Variants in RBFOX1 observed in about 807,000 individuals in gnomAD.
RBFOX1 encodes the protein RNA binding protein fox-1 homolog 1.
A neutral mutation model predicts 57.7 loss-of-function variants in RBFOX1; 8 were observed. That is an observed-to-expected ratio of 0.14 (90% CI 0.08 to 0.25). The LOEUF is 0.25. Ranked by LOEUF, RBFOX1 falls within the 10% of genes least tolerant of loss-of-function variation. The pLI, the probability that RBFOX1 is intolerant of heterozygous loss-of-function variation, is 1.00. For missense variants in RBFOX1, 611 were observed against 548.5 expected (o/e 1.11, Z -1.14); for synonymous variants, 326 against 222.4 (o/e 1.47, Z -4.15).
chr16:5,853,986 A>G (rs1363285677), intron 3 of RBFOX1, among the ~76,000 whole-genome samples: 1 of 152,202 alleles, frequency 6.6e-6, no homozygotes, highest in East Asian at 1.9e-4. Context: ...TCCCTTATTG[A>G]CTATATTTGA....
At chr16:7,021,792 A>G (rs1166291668) in intron 3 of RBFOX1, among the ~76,000 whole-genome samples, 4 of 151,108 alleles carry the variant, frequency 2.6e-5, no homozygotes, top group Non-Finnish European at 5.9e-5. Flanking sequence ...TATACCAGGC[A>G]TGCTTGAAAA....
intron 1 of RBFOX1, among the ~76,000 whole-genome samples, chr16:6,164,438 C>G (rs1205638839): frequency 6.6e-6 from 1 of 151,246 alleles, no homozygotes; most frequent in Non-Finnish European, 1.5e-5. Flanking sequence ...GTGATGTTTT[C>G]CACAGAGTTC....
chr16:6,968,263 A>G lies in RBFOX1; in HGVS notation c.-15-83794A>G, dbSNP rs534397445. Among the ~76,000 whole-genome samples, 3 of 152,334 alleles carry G rather than the reference A, an allele frequency of 2.0e-5. No homozygotes were observed. In the East Asian group the frequency reaches 5.8e-4, roughly 29 times the overall value. On this transcript the variant is annotated intron_variant, in intron 3 of 15. Transcript: ENST00000550418. ...TTAACTCAGCAAAGACCCCCAGGCAAGCTGTCACTTGGAGAGAGGATATTT... is the reference window on the plus strand; with the variant it reads ...TTAACTCAGCAAAGACCCCCAGGCAGGCTGTCACTTGGAGAGAGGATATTT...
At chr16:5,687,966 G>A (rs763689250) in intron 3 of RBFOX1, among the ~76,000 whole-genome samples, 12 of 152,172 alleles carry the variant, frequency 7.9e-5, no homozygotes, top group Non-Finnish European at 1.0e-4. Context: ...ACTCACAGTT[G>A]TGTAATTTTT....
At chr16:7,447,078 C>T (rs1351601508) in intron 4 of RBFOX1, among the ~76,000 whole-genome samples, 1 of 151,978 alleles carries the variant, frequency 6.6e-6, no homozygotes, top group African/African-American at 2.4e-5. Flanking sequence ...TCCCAAAGTG[C>T]TGGGATTACA....
intron 4 of RBFOX1, among the ~76,000 whole-genome samples, chr16:5,905,008 A>T (rs1458003891): frequency 3.4e-5 from 5 of 146,356 alleles, no homozygotes; most frequent in Non-Finnish European, 7.5e-5. Flanking sequence ...AGGTAATCAG[A>T]TGAAAATAAG....
At position 6,910,484 on chromosome 16, in the gene RBFOX1, C is replaced by T. The variant is rs543778706; in HGVS notation, c.-15-141573C>T. 1.2e-3 allele frequency among the ~76,000 whole-genome samples: 190 copies of T among 152,300 alleles called. 1 individual carries two copies. Among genetic ancestry groups the T allele is most frequent in the African/African-American group, 4.2e-3 (176 of 41,550 alleles). ...CTCTGTGCCTGAGTGGGTGATTCCC[C>T]ACTTGTGTTAATCACTCAAACAACC... On this transcript the variant is annotated intron_variant, in intron 3 of 15. Coordinates refer to ENST00000550418, the MANE Select transcript of RBFOX1 (RefSeq NM_018723.4).
intron 2 of RBFOX1, among the ~76,000 whole-genome samples, chr16:6,423,000 T>A (rs77688321): frequency 5.3e-5 from 8 of 152,258 alleles, no homozygotes; most frequent in Non-Finnish European, 7.3e-5. Context: ...TTTTCTTTTT[T>A]ATGGCTGCAT....
At chr16:6,102,916 G>A (rs1244922674) in intron 1 of RBFOX1, among the ~76,000 whole-genome samples, 1 of 152,104 alleles carries the variant, frequency 6.6e-6, no homozygotes, top group African/African-American at 2.4e-5. Flanking sequence ...AGAAAGTGAT[G>A]GAGTCTGGGA....
intron 4 of RBFOX1, among the ~76,000 whole-genome samples, chr16:7,334,828 T>G (rs2096756897): frequency 6.6e-6 from 1 of 152,220 alleles, no homozygotes; most frequent in African/African-American, 2.4e-5. Context: ...GCCAGTTATT[T>G]TTGGAAAGAA....
chr16:6,798,497 G>A (rs1420220641), intron 3 of RBFOX1, among the ~76,000 whole-genome samples: 1 of 152,068 alleles, frequency 6.6e-6, no homozygotes, highest in African/African-American at 2.4e-5. Context: ...GCCTAATTCT[G>A]AACCAGACCC....
chr16:7,323,789 A>T (rs982061977), intron 4 of RBFOX1, among the ~76,000 whole-genome samples: 1 of 152,250 alleles, frequency 6.6e-6, no homozygotes, highest in Non-Finnish European at 1.5e-5. Context: ...ATGATGAAGA[A>T]GATGAAGATG....
At chr16:6,815,320 G>A (rs555023837) in intron 3 of RBFOX1, among the ~76,000 whole-genome samples, 3 of 152,066 alleles carry the variant, frequency 2.0e-5, no homozygotes, top group South Asian at 4.2e-4. Context: ...TTTGTGCCCC[G>A]TATTGTGTGC....
At position 7,424,959 on chromosome 16, in the gene RBFOX1, C is replaced by A. The variant is rs555340531; in HGVS notation, c.28-93188C>A. The stretch of plus-strand genomic sequence containing the variant: ...GATAAGATACTTGGGAGTTTGAGCA[C>A]CAAGAAGAATGTTATCTTAGAGATG... On this transcript the variant is annotated intron_variant, in intron 4 of 15. Coordinates refer to ENST00000550418, the MANE Select transcript of RBFOX1 (RefSeq NM_018723.4). 1.2e-3 allele frequency among the ~76,000 whole-genome samples: 181 copies of A among 151,946 alleles called. 1 individual carries two copies. The highest frequency in any genetic ancestry group is 3.4e-3 in the Middle Eastern group (1 of 294).
intron 2 of RBFOX1, among the ~76,000 whole-genome samples, chr16:6,487,703 ATATATATAT>A (rs2095533063): frequency 4.0e-3 from 19 of 4,760 alleles, no homozygotes; most frequent in African/African-American, 4.0e-3. Flanking sequence ...AAAAAAAAAT[ATATATATAT>A]ATATATATAT....
At chr16:7,021,880 TC>T (rs1294086315) in intron 3 of RBFOX1, among the ~76,000 whole-genome samples, 5 of 122,050 alleles carry the variant, frequency 4.1e-5, no homozygotes, top group African/African-American at 1.9e-4. Context: ...CTTCTTTCTC[TC>T]TCTTTCTTTC....
chr16:5,885,087 A>G (rs911578936), intron 4 of RBFOX1, among the ~76,000 whole-genome samples: 2 of 152,156 alleles, frequency 1.3e-5, no homozygotes, highest in African/African-American at 4.8e-5. Flanking sequence ...GTAGATGAGC[A>G]TTCTCCAAAT....
At chr16:6,495,837 G>A (rs42384) in intron 2 of RBFOX1, among the ~76,000 whole-genome samples, 1 of 152,032 alleles carries the variant, frequency 6.6e-6, no homozygotes, top group Non-Finnish European at 1.5e-5. Context: ...TTGAAGACGT[G>A]GAATTGTTGG....
intron 1 of RBFOX1, among the ~76,000 whole-genome samples, chr16:6,160,678 C>T (rs1185749740): frequency 1.3e-5 from 2 of 152,298 alleles, no homozygotes; most frequent in East Asian, 3.9e-4. Flanking sequence ...GGTCCTCATC[C>T]TTGCTTGCAA....
Sources: gnomAD v4.1 joint callset for allele counts (sites outside exome capture counted in the v4.1 genomes callset) on GRCh38, gnomAD v4.1.1 for gene constraint, MANE v1.5 for transcripts, NCBI Gene and HGNC (gene_info 2026-07-23, HGNC 2026-07-21) for gene names.